LHX2: variants seen among roughly 807,000 people sequenced by gnomAD.
LHX2 encodes the protein LIM/homeobox protein Lhx2.
A neutral mutation model predicts 33.0 loss-of-function variants in LHX2; 6 were observed. That is an observed-to-expected ratio of 0.18 (90% CI 0.10 to 0.36). The LOEUF (loss-of-function observed/expected upper bound fraction) is 0.36, where lower values mean the gene tolerates loss of function less well. Among genes scored for constraint, LHX2 ranks in the 10% least tolerant of loss-of-function variants. The pLI, the probability that LHX2 is intolerant of heterozygous loss-of-function variation, is 1.00. For synonymous variants in LHX2, 292 were observed against 253.1 expected, an observed-to-expected ratio of 1.15 and a Z score of -1.46; for missense variants, 442 against 586.2, an observed-to-expected ratio of 0.75 and a Z score of 2.54.
intron 4 of LHX2, among the ~76,000 whole-genome samples, chr9:124,030,027 C>G (rs911989609): frequency 2.0e-5 from 3 of 152,220 alleles, no homozygotes; most frequent in African/African-American, 7.2e-5. Context: ...TACTTATTTG[C>G]CAGCCCCCAG....
intron 4 of LHX2, among the ~76,000 whole-genome samples, chr9:124,023,851 CA>C (rs1564551246): frequency 6.6e-6 from 1 of 152,156 alleles, no homozygotes; most frequent in African/African-American, 2.4e-5. Flanking sequence ...GACACAGACC[CA>C]TGTACAGTTT....
At chr9:124,024,965 G>A (rs1056591904) in intron 4 of LHX2, among the ~76,000 whole-genome samples, 3 of 152,170 alleles carry the variant, frequency 2.0e-5, no homozygotes, top group African/African-American at 7.2e-5. Flanking sequence ...GGGAGAGGAG[G>A]GAAGGTGTGG....
chr9:124,032,311 G>A lies in LHX2; in HGVS notation c.934-109G>A. 1 of 1,336,334 alleles carries A rather than the reference G, an allele frequency of 7.5e-7. No homozygotes were observed. The highest frequency in any genetic ancestry group is 2.5e-5 in the East Asian group (1 of 40,056). The allele number at this position is 1,336,334 out of a possible 1,614,324, so 82.8% of individuals were successfully genotyped here. A position where few individuals can be genotyped will look rare whatever the true frequency, so the allele number is the denominator to read the frequency against. ...CAACCTGACTTTTTGGATCCTCTTG[G>A]CAAAACACAGATCAGCGTCCCCAGA... On this transcript the variant is annotated intron_variant, in intron 4 of 4. Coordinates refer to ENST00000373615, the MANE Select transcript of LHX2 (RefSeq NM_004789.4). This position sits in a 1 kb window ranked among gnomAD's most constrained non-coding sequence, Gnocchi z 4.1.
At chr9:124,022,149 C>T (rs566130256) in intron 4 of LHX2, among the ~76,000 whole-genome samples, 3 of 152,330 alleles carry the variant, frequency 2.0e-5, no homozygotes, top group African/African-American at 4.8e-5. Context: ...ACATCTCAAA[C>T]GGTCAGCTCC....
At position 124,012,567 on chromosome 9, in the gene LHX2, C is replaced by T; in HGVS notation, c.120+99C>T. 2.2e-6 allele frequency: 3 copies of T among 1,334,714 alleles called. No homozygotes were observed. The highest frequency in any genetic ancestry group is 2.9e-6 in the Non-Finnish European group (3 of 1,025,172). The allele number at this position is 1,334,714 out of a possible 1,614,324, so 82.7% of individuals were successfully genotyped here. ...AGTTTGGGGAGCGTCCTTCGTGCCG[C>T]ACGGGACTGGGTGCTGGGGATCCTC... On this transcript the variant is annotated intron_variant, in intron 1 of 4. Transcript: ENST00000373615. The surrounding 1 kb of genome is among the most constrained non-coding windows in gnomAD (Gnocchi z 4.3).
At chr9:124,023,992 C>A (rs1828564763) in intron 4 of LHX2, among the ~76,000 whole-genome samples, 1 of 152,206 alleles carries the variant, frequency 6.6e-6, no homozygotes, top group African/African-American at 2.4e-5. Flanking sequence ...CAAATGATCT[C>A]CACTTGCCCC....
chr9:124,032,301 G>A lies in LHX2; in HGVS notation c.934-119G>A. ...AAAATATTGCCAACCTGACTTTTTG[G>A]ATCCTCTTGGCAAAACACAGATCAG... is the stretch of plus-strand genomic sequence containing the variant. On this transcript the variant is annotated intron_variant, in intron 4 of 4. Transcript: ENST00000373615. The surrounding 1 kb of genome is among the most constrained non-coding windows in gnomAD (Gnocchi z 4.1). 1 of 1,247,972 alleles carries A rather than the reference G, an allele frequency of 8.0e-7. No individual in the cohort carries two copies. The highest frequency in any genetic ancestry group is 1.1e-6 in the Non-Finnish European group (1 of 927,262). 77.3% of individuals were successfully genotyped at this position (1,247,972 alleles called of 1,614,324 possible).
chr9:124,023,487 G>C (rs1343260245), intron 4 of LHX2, among the ~76,000 whole-genome samples: 1 of 152,148 alleles, frequency 6.6e-6, no homozygotes, highest in African/African-American at 2.4e-5. Context: ...AGGAAGACCT[G>C]GGCTGGGTTC....
At chr9:124,013,814 G>A (rs953008265) in intron 1 of LHX2, 147 bp from the exon 2 acceptor site, 3 of 717,300 alleles carry the variant, frequency 4.2e-6, no homozygotes, top group Non-Finnish European at 6.9e-6. Context: ...TTTGGGGTGG[G>A]GGGAAGCGCG....
Position 124,012,913 on chromosome 9 carries a change from G to C in LHX2, c.120+445G>C, listed in dbSNP as rs1167982341. ...GGCCGCTCCCAGCTTTCCGGCAATC[G>C]GGGATCCTCCTCAACCCCCAGCGCA... On this transcript the variant is annotated intron_variant, in intron 1 of 4. Coordinates refer to ENST00000373615, the MANE Select transcript of LHX2 (RefSeq NM_004789.4). This position sits in a 1 kb window ranked among gnomAD's most constrained non-coding sequence, Gnocchi z 4.3. 6.6e-6 allele frequency among the ~76,000 whole-genome samples: 1 copy of C among 152,120 alleles called. No homozygotes were observed. Among genetic ancestry groups the C allele is most frequent in the Admixed American group, 6.5e-5 (1 of 15,286 alleles).
In LHX2 at chr9:124,012,175, C is replaced by T. The variant is rs1001774021; in HGVS notation, c.-174C>T. 8.7e-6 allele frequency: 4 copies of T among 458,714 alleles called. No homozygotes were observed. The highest frequency in any genetic ancestry group is 8.4e-5 in the African/African-American group (4 of 47,870). The allele number at this position is 458,714 out of a possible 1,614,324, so 28.4% of individuals were successfully genotyped here. ...CGCCTCGGCGGGAGGCGTCCTGCCCCGCGAGCGCCCGGGGCCCGGAGCCCG... is the reference window on the plus strand; with the variant it reads ...CGCCTCGGCGGGAGGCGTCCTGCCCTGCGAGCGCCCGGGGCCCGGAGCCCG... On this transcript the variant is annotated 5_prime_UTR_variant, in exon 1 of 5. Transcript: ENST00000373615. The surrounding 1 kb of genome is among the most constrained non-coding windows in gnomAD (Gnocchi z 4.3).
Position 124,014,238 on chromosome 9 carries a change from C to A in LHX2, c.323+75C>A. 9.5e-7 allele frequency: 1 copy of A among 1,049,178 alleles called. No homozygotes were observed. Among genetic ancestry groups the A allele is most frequent in the South Asian group, 1.4e-5 (1 of 73,940 alleles). 65.0% of individuals were successfully genotyped at this position (1,049,178 alleles called of 1,614,324 possible). ...GCACAGTCTTACAGTTTGGCCCTCTCCTTTCCGTTTAGTCCCAGGAGAGGG... is the reference window on the plus strand; with the variant it reads ...GCACAGTCTTACAGTTTGGCCCTCTACTTTCCGTTTAGTCCCAGGAGAGGG... On this transcript the variant is annotated intron_variant, in intron 2 of 4. Coordinates refer to ENST00000373615, the MANE Select transcript of LHX2 (RefSeq NM_004789.4). The surrounding 1 kb of genome is among the most constrained non-coding windows in gnomAD (Gnocchi z 4.8).
intron 4 of LHX2, among the ~76,000 whole-genome samples, chr9:124,024,957 G>C (rs1828585783): frequency 6.6e-6 from 1 of 152,180 alleles, no homozygotes; most frequent in African/African-American, 2.4e-5. Flanking sequence ...AGTACAGTGG[G>C]AGAGGAGGGA....
rs1859148304 is a variant in LHX2, at chr9:124,014,309, C to T, written c.323+146C>T. On this transcript the variant is annotated intron_variant, in intron 2 of 4. Coordinates refer to ENST00000373615, the MANE Select transcript of LHX2 (RefSeq NM_004789.4). The surrounding 1 kb of genome is among the most constrained non-coding windows in gnomAD (Gnocchi z 4.8). ...CGCTCCCCCCCCAAGTTCTCCAAGC[C>T]ACCACAAGTTGGGTGATAACCTTTT... The T allele has an allele frequency of 1.6e-6, 1 of 614,682 alleles. No individual in the cohort carries two copies. The highest frequency in any genetic ancestry group is 3.0e-6 in the Non-Finnish European group (1 of 329,398). 38.1% of individuals were successfully genotyped at this position (614,682 alleles called of 1,614,324 possible).
Position 124,016,268 on chromosome 9 carries a change from T to C in LHX2, c.727+743T>C, listed in dbSNP as rs540620760. On this transcript the variant is annotated intron_variant, in intron 3 of 4. Coordinates refer to ENST00000373615, the MANE Select transcript of LHX2 (RefSeq NM_004789.4). This position sits in a 1 kb window ranked among gnomAD's most constrained non-coding sequence, Gnocchi z 4.4. Reference sequence around the variant, plus strand: ...GGTGAGGTGGGGGGCTTGGTTCGGATTTCCGGCATCTTTGAACCCCAGGCC... The same window carrying C: ...GGTGAGGTGGGGGGCTTGGTTCGGACTTCCGGCATCTTTGAACCCCAGGCC... Among the ~76,000 whole-genome samples, 10 of 152,244 alleles carry C rather than the reference T, an allele frequency of 6.6e-5. No homozygotes were observed. The highest frequency in any genetic ancestry group is 1.7e-4 in the African/African-American group (7 of 41,562).
rs1165869973 is a variant in LHX2 at position 124,012,593 on chromosome 9, G to T, written c.120+125G>T. ...ACGGGACTGGGTGCTGGGGATCCTC[G>T]GTCAGAATGCAAGGCCGGTGGCTCC... On this transcript the variant is annotated intron_variant, in intron 1 of 4. Coordinates refer to ENST00000373615, the MANE Select transcript of LHX2 (RefSeq NM_004789.4). This position sits in a 1 kb window ranked among gnomAD's most constrained non-coding sequence, Gnocchi z 4.3. 1.4e-5 allele frequency: 17 copies of T among 1,177,644 alleles called. No homozygotes were observed. Among genetic ancestry groups the T allele is most frequent in the Non-Finnish European group, 1.9e-5 (17 of 905,122 alleles). 72.9% of individuals were successfully genotyped at this position (1,177,644 alleles called of 1,614,324 possible).
chr9:124,015,999 G>A lies in LHX2; in HGVS notation c.727+474G>A, dbSNP rs1282607741. ...TCGGCCTGGAGTGCGGCCTGACCTCGTGAAATGTCCCAAGGGCGGCAGGCT... is the reference window on the plus strand; with the variant it reads ...TCGGCCTGGAGTGCGGCCTGACCTCATGAAATGTCCCAAGGGCGGCAGGCT... On this transcript the variant is annotated intron_variant, in intron 3 of 4. Coordinates refer to ENST00000373615, the MANE Select transcript of LHX2 (RefSeq NM_004789.4). The surrounding 1 kb of genome is among the most constrained non-coding windows in gnomAD (Gnocchi z 7.9). Among the ~76,000 whole-genome samples the A allele has an allele frequency of 1.3e-5, 2 of 152,252 alleles. No homozygotes were observed. Among genetic ancestry groups the A allele is most frequent in the Non-Finnish European group, 2.9e-5 (2 of 68,048 alleles).
chr9:124,019,417 G>A (rs1859253388), intron 3 of LHX2, among the ~76,000 whole-genome samples: 1 of 152,182 alleles, frequency 6.6e-6, no homozygotes. Context: ...TTGGAATTTT[G>A]GGTACGTAAC....
chr9:124,033,139 T>G lies in LHX2; in HGVS notation c.*432T>G, dbSNP rs1163113971. 6.5e-6 allele frequency: 1 copy of G among 154,366 alleles called. No homozygotes were observed. The highest frequency in any genetic ancestry group is 1.4e-5 in the Non-Finnish European group (1 of 69,748). The allele number at this position is 154,366 out of a possible 1,614,324, so 9.6% of individuals were successfully genotyped here. A position where few individuals can be genotyped will look rare whatever the true frequency, so the allele number is the denominator to read the frequency against. The stretch of plus-strand genomic sequence containing the variant: ...AACAAAAAAAACAACAAAAAAAGTT[T>G]GTTACTTTGAATAGTCCTAAAAAGA... On this transcript the variant is annotated 3_prime_UTR_variant, in exon 5 of 5. Transcript: ENST00000373615.
Sources: gnomAD v4.1 joint callset for allele counts (sites outside exome capture counted in the v4.1 genomes callset) on GRCh38, gnomAD v4.1.1 for gene constraint, Gnocchi (gnomAD v3.1) non-coding constraint, MANE v1.5 for transcripts, NCBI Gene and HGNC (gene_info 2026-07-23, HGNC 2026-07-21) for gene names.